The following CDH3 variants were observed in gnomAD, a reference collection of about 807,000 sequenced individuals.
CDH3 encodes the protein cadherin 3, also known as cadherin-3.
In CDH3, 54 loss-of-function variants were observed where a neutral mutation model predicts 82.0. That is an observed-to-expected ratio of 0.66 (90% CI 0.53 to 0.83). The LOEUF is 0.83. CDH3 is among the 40% of genes least tolerant of loss of function. CDH3 has a pLI of 0.00. For synonymous variants in CDH3, 446 were observed against 437.9 expected, an observed-to-expected ratio of 1.02 and a Z score of -0.23; for missense variants, 1,054 against 1,084.6, an observed-to-expected ratio of 0.97 and a Z score of 0.40.
intron 2 of CDH3, among the ~76,000 whole-genome samples, chr16:68,669,707 ACC>A (rs1307496339): frequency 1.3e-5 from 2 of 152,092 alleles, no homozygotes; most frequent in Non-Finnish European, 1.5e-5. Context: ...CTTCTGGGTT[ACC>A]TGGTGGGAGA....
At chr16:68,647,758 A>C (rs1174575030) in intron 2 of CDH3, among the ~76,000 whole-genome samples, 1 of 152,054 alleles carries the variant, frequency 6.6e-6, no homozygotes, top group Non-Finnish European at 1.5e-5. Context: ...TTCAGCTGGC[A>C]CTTTGACCAC....
intron 12 of CDH3, 96 bp from the exon 13 acceptor site, chr16:68,691,624 C>T: frequency 8.6e-6 from 8 of 932,060 alleles, no homozygotes; most frequent in South Asian, 7.9e-5. Context: ...CTGCATTGCC[C>T]ACATGTGGAA....
intron 2 of CDH3, among the ~76,000 whole-genome samples, chr16:68,673,723 G>A (rs1192548684): frequency 2.6e-5 from 4 of 152,058 alleles, no homozygotes; most frequent in East Asian, 1.9e-4. Context: ...CCAGGAGTTC[G>A]AGACCAGCCT....
Position 68,691,576 on chromosome 16 carries a change from T to C in CDH3, c.1796-144T>C, listed in dbSNP as rs1961574322. On this transcript the variant is annotated intron_variant, in intron 12 of 15. Coordinates refer to ENST00000264012, the MANE Select transcript of CDH3 (RefSeq NM_001793.6). ...TTTGCTTTAGCCAAAGATCAGCTTTTACTGCTATTTTCCAAAGTGTGCTTG... is the reference window on the plus strand; with the variant it reads ...TTTGCTTTAGCCAAAGATCAGCTTTCACTGCTATTTTCCAAAGTGTGCTTG... 4.2e-6 allele frequency: 3 copies of C among 713,088 alleles called. No homozygotes were observed. The Admixed American group carries it at 5.9e-5, about 14-fold the overall frequency. The allele number at this position is 713,088 out of a possible 1,614,324, so 44.2% of individuals were successfully genotyped here.
In CDH3 at chr16:68,681,985, C is replaced by A. The variant is rs368607770; in HGVS notation, c.997-317C>A. On this transcript the variant is annotated intron_variant, in intron 8 of 15. Coordinates refer to ENST00000264012, the MANE Select transcript of CDH3 (RefSeq NM_001793.6). ...AGCCCTTCTTGCCACCTTCCTTATTCCTTTCTGATCTCAGCTGGATAGATA... is the reference window on the plus strand; with the variant it reads ...AGCCCTTCTTGCCACCTTCCTTATTACTTTCTGATCTCAGCTGGATAGATA... Among the ~76,000 whole-genome samples, 51 of 152,308 alleles carry A rather than the reference C, an allele frequency of 3.3e-4. No homozygotes were observed. The South Asian group carries it at 0.01, about 31-fold the overall frequency.
At chr16:68,713,615 C>G (rs1411927927) in intron 1 of CDH3, among the ~76,000 whole-genome samples, 1 of 152,140 alleles carries the variant, frequency 6.6e-6, no homozygotes, top group African/African-American at 2.4e-5. Context: ...TTCCGGAACG[C>G]AGATCCCATC....
At chr16:68,706,441 C>T (rs530492189) in intron 1 of CDH3, among the ~76,000 whole-genome samples, 1 of 152,056 alleles carries the variant, frequency 6.6e-6, no homozygotes, top group Non-Finnish European at 1.5e-5. Flanking sequence ...CCATTGACCA[C>T]CCCATGGGCC....
intron 2 of CDH3, among the ~76,000 whole-genome samples, chr16:68,675,293 C>T (rs1488479501): frequency 6.6e-6 from 1 of 152,138 alleles, no homozygotes; most frequent in South Asian, 2.1e-4. Context: ...TGGGGCCGTC[C>T]TTGTGGTCTT....
chr16:68,664,624 T>C (rs952132988), intron 2 of CDH3, among the ~76,000 whole-genome samples: 1 of 152,010 alleles, frequency 6.6e-6, no homozygotes, highest in African/African-American at 2.4e-5. Flanking sequence ...AACAAACTGG[T>C]GAGATGTGAA....
In CDH3 at chr16:68,686,569, C is replaced by T. The variant is rs150184087; in HGVS notation, c.1571-943C>T. On this transcript the variant is annotated intron_variant, in intron 11 of 15. Transcript: ENST00000264012. ...AGGGTGGAGGGATTCAACCAGTTAG[C>T]GTGAAAGTTGGAGATAAAGTTCTTC... 22 of 1,234,764 alleles carry T rather than the reference C, an allele frequency of 1.8e-5. No homozygotes were observed. The East Asian group carries it at 4.4e-4, about 25-fold the overall frequency. 76.5% of individuals were successfully genotyped at this position (1,234,764 alleles called of 1,614,324 possible).
Position 68,682,321 on chromosome 16 carries a change from A to G in CDH3, c.1016A>G (p.Glu339Gly). 3 of 1,613,924 alleles carry G rather than the reference A, an allele frequency of 1.9e-6. No homozygotes were observed. Residue 339 changes from glutamate to glycine, a missense_variant, in exon 9 of 16, where the codon GAG becomes GGG. Physicochemically the swap from Glu to Gly is moderately conservative, Grantham distance 98. Coordinates refer to ENST00000264012, the MANE Select transcript of CDH3 (RefSeq NM_001793.6). The part of the protein sequence containing the change: ...DPQKYEAHVP[E>G]NAVGHEVQRL... ...TGACAGTACGAGGCCCATGTGCCTG[A>G]GAATGCAGTGGGCCATGAGGTGCAG...
At chr16:68,670,223 C>CAA (rs71148932) in intron 2 of CDH3, among the ~76,000 whole-genome samples, 11,400 of 90,880 alleles carry the variant, frequency 0.13, 601 homozygotes, top group Non-Finnish European at 0.15. Flanking sequence ...GACTCTGTCT[C>CAA]AAAAAAAAAA....
intron 3 of CDH3, 89 bp from the exon 4 acceptor site, chr16:68,678,045 A>C (rs1961082647): frequency 1.6e-6 from 2 of 1,272,178 alleles, no homozygotes; most frequent in South Asian, 1.2e-5. Context: ...TACCATGCCC[A>C]GCCACCCTTT....
At position 68,679,501 on chromosome 16, in the gene CDH3, G is replaced by A. The variant is rs368754887; in HGVS notation, c.692-298G>A. Among the ~76,000 whole-genome samples the A allele has an allele frequency of 1.8e-4, 28 of 151,948 alleles. 2 individuals carry two copies. Among genetic ancestry groups the A allele is most frequent in the African/African-American group, 6.5e-4 (27 of 41,466 alleles). On this transcript the variant is annotated intron_variant, in intron 6 of 15. Transcript: ENST00000264012. ...TGAGATCAGGAGTTTAAGACCAGCT[G>A]GGCCAACATGGTGAAATCCTATCTC...
chr16:68,695,883 G>A lies in CDH3; in HGVS notation c.2240G>A (p.Arg747Gln), dbSNP rs772291014. 24 of 1,613,944 alleles carry A rather than the reference G, an allele frequency of 1.5e-5. No homozygotes were observed. Among genetic ancestry groups the A allele is most frequent in the African/African-American group, 1.2e-4 (9 of 74,870 alleles). ...TIIPTPMYRP[R>Q]PANPDEIGNF... ...ATCCCGACACCCATGTACCGTCCTC[G>A]GCCAGCCAACCCAGATGAAATCGGC... is the stretch of plus-strand genomic sequence containing the variant. Residue 747 changes from arginine (R) to glutamine (Q), a missense_variant, in exon 15 of 16, where the codon CGG becomes CAG. By Grantham distance (43) the Arg-to-Gln change is conservative (BLOSUM62 1). Transcript: ENST00000264012.
rs181302836 is a variant in CDH3, at chr16:68,654,643, C to G, written c.160+8893C>G. Among the ~76,000 whole-genome samples the G allele has an allele frequency of 4.4e-3, 642 of 144,290 alleles. 5 individuals carry two copies. Among genetic ancestry groups the G allele is most frequent in the African/African-American group, 0.016 (622 of 39,356 alleles). The allele number at this position is 144,290 out of a possible 152,430, so 94.7% of individuals were successfully genotyped here. A position where few individuals can be genotyped will look rare whatever the true frequency, so the allele number is the denominator to read the frequency against. ...TCTTAAATCTGAGAGGTGGAGGTTG[C>G]AGTGAGCGGAGATCGTGTCACTGCA... On this transcript the variant is annotated intron_variant, in intron 2 of 15. Coordinates refer to ENST00000264012, the MANE Select transcript of CDH3 (RefSeq NM_001793.6).
Position 68,679,647 on chromosome 16 carries a change from A to C in CDH3, c.692-152A>C. On this transcript the variant is annotated intron_variant, in intron 6 of 15. Transcript: ENST00000264012. The stretch of plus-strand genomic sequence containing the variant: ...GAGGCAGAGGTTGCAGTGAGTCGAG[A>C]TCACACCATTGCACTCCAGCCTGGG... The C allele has an allele frequency of 6.7e-6, 4 of 600,760 alleles. No homozygotes were observed. In the South Asian group the frequency reaches 8.0e-5, roughly 12 times the overall value. 37.2% of individuals were successfully genotyped at this position (600,760 alleles called of 1,614,324 possible).
chr16:68,682,091 A>T (rs985549510), intron 8 of CDH3, among the ~76,000 whole-genome samples: 1 of 150,482 alleles, frequency 6.6e-6, no homozygotes, highest in Non-Finnish European at 1.5e-5. Flanking sequence ...GAAAGCAGGC[A>T]CAGGATTGGT....
At chr16:68,723,645 A>G (rs560814781) in intron 2 of CDH3, among the ~76,000 whole-genome samples, 60 of 152,316 alleles carry the variant, frequency 3.9e-4, no homozygotes, top group African/African-American at 1.4e-3. Context: ...TCGTAAATAA[A>G]TGAGGCCAGA....
Sources: gnomAD v4.1 joint callset for allele counts (sites outside exome capture counted in the v4.1 genomes callset) on GRCh38, gnomAD v4.1.1 for gene constraint, MANE v1.5 for transcripts, NCBI Gene and HGNC (gene_info 2026-07-23, HGNC 2026-07-21) for gene names.